Variants in ANKRD44 observed in about 807,000 individuals in gnomAD.
The protein encoded by ANKRD44 is serine/threonine-protein phosphatase 6 regulatory ankyrin repeat subunit B.
In ANKRD44, 35 loss-of-function variants were observed where a neutral mutation model predicts 116.0. The observed-to-expected ratio is 0.30, with a 90% CI of 0.23 to 0.40. The LOEUF is 0.40. Ranked by LOEUF, ANKRD44 falls within the 10% of genes least tolerant of loss-of-function variation. The pLI is 1.00. For missense variants in ANKRD44, 1,014 were observed against 1,242.6 expected (o/e 0.82, Z 2.77); for synonymous variants, 435 against 461.8 (o/e 0.94, Z 0.74).
At chr2:197,105,443 G>C (rs1247596312) in intron 9 of ANKRD44, among the ~76,000 whole-genome samples, 1 of 152,066 alleles carries the variant, frequency 6.6e-6, no homozygotes, top group Non-Finnish European at 1.5e-5. Flanking sequence ...CCAGATAATA[G>C]AGTATGATCA....
At chr2:197,063,614 T>C (rs1316816867) in intron 16 of ANKRD44, among the ~76,000 whole-genome samples, 1 of 152,132 alleles carries the variant, frequency 6.6e-6, no homozygotes, top group Non-Finnish European at 1.5e-5. Context: ...TTAAATGACC[T>C]GATGGAGCTG....
intron 17 of ANKRD44, chr2:197,016,088 G>C: frequency 2.3e-6 from 1 of 439,036 alleles, no homozygotes; most frequent in Admixed American, 2.6e-5. Flanking sequence ...AGGTTACTTT[G>C]AGACAATTGT....
Position 197,000,449 on chromosome 2 carries a change from C to T in ANKRD44, c.2489G>A (p.Ser830Asn), listed in dbSNP as rs1559407006. 6.2e-7 allele frequency: 1 copy of T among 1,614,084 alleles called. No homozygotes were observed. The highest frequency in any genetic ancestry group is 2.2e-5 in the East Asian group (1 of 44,864). Residue 830 changes from serine to asparagine, a missense_variant, in exon 23 of 28, where the codon AGT becomes AAT. Physicochemically the swap from Ser to Asn is conservative, Grantham distance 46. Coordinates refer to ENST00000282272, the MANE Select transcript of ANKRD44 (RefSeq NM_001195144.2). ...ASLLLGAIDS[S>N]IVSCRDDKGR... Reference sequence around the variant, plus strand: ...TTTGTCATCTCTACAACTGACGATACTGGAATCTATGGCCCCAAGCAGCAA... The same window carrying T: ...TTTGTCATCTCTACAACTGACGATATTGGAATCTATGGCCCCAAGCAGCAA...
chr2:197,174,135 C>T (rs1202401678), intron 2 of ANKRD44, among the ~76,000 whole-genome samples: 2 of 152,166 alleles, frequency 1.3e-5, no homozygotes, highest in African/African-American at 2.4e-5. Context: ...CTTGCTATCC[C>T]ATTTTTCTAA....
At chr2:197,139,848 TTGTGTGTGTGTGTG>T (rs71012957) in intron 3 of ANKRD44, among the ~76,000 whole-genome samples, 3,077 of 131,656 alleles carry the variant, frequency 0.023, 122 homozygotes, top group African/African-American at 0.084. Context: ...TAAGCTGCTT[TTGTGTGTGTGTGTG>T]TGTGTGTGTG....
chr2:197,086,585 C>T (rs1006311580), intron 13 of ANKRD44, 95 bp downstream of exon 13: 2 of 1,215,952 alleles, frequency 1.6e-6, no homozygotes, highest in Non-Finnish European at 1.2e-6. Context: ...CAGCTAACTT[C>T]CCGGTTTACC....
chr2:197,139,104 C>T (rs1199907509), intron 3 of ANKRD44, among the ~76,000 whole-genome samples: 1 of 152,028 alleles, frequency 6.6e-6, no homozygotes, highest in Admixed American at 6.6e-5. Flanking sequence ...GGTACAACCT[C>T]CTTTGGGAAA....
In ANKRD44 at chr2:197,110,752, A is replaced by C; in HGVS notation, c.985+14T>G. On this transcript the variant is annotated intron_variant, in intron 9 of 27. Transcript: ENST00000282272. Reference sequence around the variant, plus strand: ...ACTATCGAAATAATGACACTACTGAAGCATCTCTCTTACCATTCTGAATGA... The same window carrying C: ...ACTATCGAAATAATGACACTACTGACGCATCTCTCTTACCATTCTGAATGA... The C allele has an allele frequency of 6.2e-7, 1 of 1,606,262 alleles. No homozygotes were observed. The highest frequency in any genetic ancestry group is 8.5e-7 in the Non-Finnish European group (1 of 1,172,904).
rs911431593 is a variant in ANKRD44 at position 197,169,284 on chromosome 2, A to T, written c.111+17739T>A. On this transcript the variant is annotated intron_variant, in intron 2 of 27. Transcript: ENST00000282272. ...TTAAATGTCACTGCCACCTCAAGAG[A>T]CCTTTCCTAACTACCTTTTGTTAGT... is the stretch of plus-strand genomic sequence containing the variant. Among the ~76,000 whole-genome samples, 3 of 151,874 alleles carry T rather than the reference A, an allele frequency of 2.0e-5. No individual in the cohort carries two copies. The East Asian group carries it at 5.8e-4, about 29-fold the overall frequency.
chr2:197,278,143 C>G (rs367803007), intron 1 of ANKRD44, among the ~76,000 whole-genome samples: 2 of 151,806 alleles, frequency 1.3e-5, no homozygotes, highest in Non-Finnish European at 2.9e-5. Flanking sequence ...TCAGTGGGGA[C>G]GGGAGGGATG....
At chr2:197,129,479 A>AT in intron 4 of ANKRD44, among the ~76,000 whole-genome samples, 1 of 152,080 alleles carries the variant, frequency 6.6e-6, no homozygotes, top group East Asian at 1.9e-4. Context: ...GGATTCTGGT[A>AT]TTTCCCCCAA....
chr2:197,146,341 C>T (rs1189822605), intron 3 of ANKRD44, among the ~76,000 whole-genome samples: 1 of 152,084 alleles, frequency 6.6e-6, no homozygotes, highest in Admixed American at 6.6e-5. Flanking sequence ...GGTTCCTTGC[C>T]TTCCATGTTT....
At chr2:197,098,078 C>T (rs1162467511) in intron 10 of ANKRD44, among the ~76,000 whole-genome samples, 1 of 152,118 alleles carries the variant, frequency 6.6e-6, no homozygotes, top group Non-Finnish European at 1.5e-5. Context: ...TAGCAAACTC[C>T]TATATATCCT....
intron 16 of ANKRD44, among the ~76,000 whole-genome samples, chr2:197,040,376 CTT>C (rs56405646): frequency 4.1e-5 from 5 of 122,674 alleles, no homozygotes; most frequent in African/African-American, 6.1e-5. Flanking sequence ...GGAGGTAAGC[CTT>C]TTTTTTTTTT....
At chr2:197,122,599 G>T in intron 7 of ANKRD44, 51 bp downstream of exon 7, 1 of 1,572,076 alleles carries the variant, frequency 6.4e-7, no homozygotes, top group Non-Finnish European at 8.6e-7. Context: ...TAGAATAACA[G>T]AAATCTTACA....
At chr2:197,257,103 G>A (rs1362628620) in intron 1 of ANKRD44, among the ~76,000 whole-genome samples, 1 of 152,196 alleles carries the variant, frequency 6.6e-6, no homozygotes, top group Non-Finnish European at 1.5e-5. Flanking sequence ...TCCTTGCACA[G>A]GTTTAGTGTT....
At chr2:197,278,446 TC>T (rs1421457235) in intron 1 of ANKRD44, among the ~76,000 whole-genome samples, 1 of 150,940 alleles carries the variant, frequency 6.6e-6, no homozygotes, top group Non-Finnish European at 1.5e-5. Flanking sequence ...AACCTCCACC[TC>T]CCGGGTTCAA....
At chr2:197,066,335 A>G (rs2125075841) in intron 16 of ANKRD44, among the ~76,000 whole-genome samples, 1 of 152,320 alleles carries the variant, frequency 6.6e-6, no homozygotes, top group South Asian at 2.1e-4. Context: ...CCAATATCAT[A>G]CTGAATGGGC....
chr2:197,260,657 C>T (rs1168158570), intron 1 of ANKRD44, among the ~76,000 whole-genome samples: 1 of 152,046 alleles, frequency 6.6e-6, no homozygotes, highest in East Asian at 1.9e-4. Flanking sequence ...GGAATCTCCA[C>T]ACTGACTTCC....
Sources: gnomAD v4.1 joint callset for allele counts (sites outside exome capture counted in the v4.1 genomes callset) on GRCh38, gnomAD v4.1.1 for gene constraint, MANE v1.5 for transcripts, NCBI Gene and HGNC (gene_info 2026-07-23, HGNC 2026-07-21) for gene names.